The following PRKCE variants were observed in gnomAD, a reference collection of about 807,000 sequenced individuals.
PRKCE encodes protein kinase C epsilon, also known as protein kinase C epsilon type.
Under a neutral mutation model 85.4 loss-of-function variants are expected in PRKCE, and 16 were observed. That is an observed-to-expected ratio of 0.19 (90% CI 0.13 to 0.28). The LOEUF is 0.28. Ranked by LOEUF, PRKCE falls within the 10% of genes least tolerant of loss-of-function variation. The probability of loss-of-function intolerance (pLI) is 1.00; values close to 1 mark genes in which losing one functional copy is unlikely to be tolerated. For synonymous variants in PRKCE, 388 were observed against 371.5 expected (o/e 1.04, Z -0.51); for missense variants, 573 against 975.2 (o/e 0.59, Z 5.49).
chr2:45,678,651 A>G (rs967686641), intron 1 of PRKCE, among the ~76,000 whole-genome samples: 1 of 152,194 alleles, frequency 6.6e-6, no homozygotes, highest in Admixed American at 6.5e-5. Context: ...CAAGATAAAT[A>G]AATTATTTAC....
At position 45,696,154 on chromosome 2, in the gene PRKCE, C is replaced by T. The variant is rs1297791905; in HGVS notation, c.348+43706C>T. Reference sequence around the variant, plus strand: ...TTTTTTTTGTAGAACAGGGGTCTCTCTGTGTTGCACAGGCTGGTCTTGAAC... The same window carrying T: ...TTTTTTTTGTAGAACAGGGGTCTCTTTGTGTTGCACAGGCTGGTCTTGAAC... On this transcript the variant is annotated intron_variant, in intron 1 of 14. Transcript: ENST00000306156. 7.7e-5 allele frequency among the ~76,000 whole-genome samples: 11 copies of T among 142,516 alleles called. No individual in the cohort carries two copies. In the South Asian group the frequency reaches 2.1e-3, roughly 27 times the overall value. The allele number at this position is 142,516 out of a possible 152,430, so 93.5% of individuals were successfully genotyped here.
chr2:45,703,020 T>TTC lies in PRKCE; in HGVS notation c.348+50573_348+50574dup, dbSNP rs1370849874. 6.6e-5 allele frequency among the ~76,000 whole-genome samples: 8 copies of TTC among 121,022 alleles called. No individual in the cohort carries two copies. In the East Asian group the frequency reaches 1.2e-3, roughly 19 times the overall value. The allele number at this position is 121,022 out of a possible 152,430, so 79.4% of individuals were successfully genotyped here. ...TCAAGTTTTCTTGAGAAAGCCTTTT[T>TTC]TCCCCCCCCGTCAGGAAGTCAGTCC... On this transcript the variant is annotated intron_variant, in intron 1 of 14. Transcript: ENST00000306156.
Position 45,943,744 on chromosome 2 carries a change from C to G in PRKCE, c.413-32685C>G, listed in dbSNP as rs114553298. Among the ~76,000 whole-genome samples the G allele has an allele frequency of 3.3e-3, 503 of 152,338 alleles. 6 individuals carry two copies. Among genetic ancestry groups the G allele is most frequent in the African/African-American group, 0.011 (473 of 41,556 alleles). Reference sequence around the variant, plus strand: ...CGTCTTAGCAGAAACCAAGCCTCCTCTCCTGCTTTCTGGGTCCCCTTTGTC... The same window carrying G: ...CGTCTTAGCAGAAACCAAGCCTCCTGTCCTGCTTTCTGGGTCCCCTTTGTC... On this transcript the variant is annotated intron_variant, in intron 2 of 14. Coordinates refer to ENST00000306156, the MANE Select transcript of PRKCE (RefSeq NM_005400.3).
intron 2 of PRKCE, among the ~76,000 whole-genome samples, chr2:45,860,600 G>A (rs536227031): frequency 6.6e-6 from 1 of 152,304 alleles, no homozygotes; most frequent in African/African-American, 2.4e-5. Context: ...CTGGTAGTCT[G>A]GGGGAAATAT....
Position 45,823,982 on chromosome 2 carries a change from A to C in PRKCE, c.349-19018A>C, listed in dbSNP as rs143278629. Among the ~76,000 whole-genome samples, 493 of 152,342 alleles carry C rather than the reference A, an allele frequency of 3.2e-3. 2 individuals are homozygous for C. Among genetic ancestry groups the C allele is most frequent in the African/African-American group, 0.011 (460 of 41,590 alleles). On this transcript the variant is annotated intron_variant, in intron 1 of 14. Coordinates refer to ENST00000306156, the MANE Select transcript of PRKCE (RefSeq NM_005400.3). ...ACTCACAGGATGTGCTCACTGGCTC[A>C]CTGGCTTTCCTTGGCACTGCAGGGA...
chr2:45,797,329 T>C (rs768350841), intron 1 of PRKCE, among the ~76,000 whole-genome samples: 58 of 152,180 alleles, frequency 3.8e-4, no homozygotes, highest in Admixed American at 2.2e-3. Context: ...GCCACGCATG[T>C]CCTTGTCCTT....
At chr2:46,013,219 A>G (rs1455036241) in intron 10 of PRKCE, among the ~76,000 whole-genome samples, 3 of 152,230 alleles carry the variant, frequency 2.0e-5, no homozygotes, top group Non-Finnish European at 4.4e-5. Context: ...TTTCCCTATG[A>G]CAAACCAACA....
chr2:45,925,948 G>A (rs1284571482), intron 2 of PRKCE, among the ~76,000 whole-genome samples: 2 of 152,198 alleles, frequency 1.3e-5, no homozygotes, highest in Non-Finnish European at 2.9e-5. Flanking sequence ...CGATTCGGTG[G>A]GGGAGGCAAG....
intron 2 of PRKCE, among the ~76,000 whole-genome samples, chr2:45,946,883 A>G (rs1161677669): frequency 2.0e-5 from 3 of 152,220 alleles, no homozygotes; most frequent in Non-Finnish European, 4.4e-5. Context: ...GTGCATATGT[A>G]AAGTCTCCTT....
Position 46,151,021 on chromosome 2 carries a change from A to G in PRKCE, c.1732-20A>G. 1 of 1,585,382 alleles carries G rather than the reference A, an allele frequency of 6.3e-7. No individual in the cohort carries two copies. Among genetic ancestry groups the G allele is most frequent in the Non-Finnish European group, 8.6e-7 (1 of 1,169,266 alleles). The stretch of plus-strand genomic sequence containing the variant: ...GTGGGAGCCTTTGATGGTGCCTGAC[A>G]TTGCTGGTTTCCTGAACAGATCCTG... On this transcript the variant is annotated intron_variant, in intron 12 of 14. Transcript: ENST00000306156.
chr2:45,897,309 A>G (rs1435857602), intron 2 of PRKCE, among the ~76,000 whole-genome samples: 1 of 152,132 alleles, frequency 6.6e-6, no homozygotes, highest in Non-Finnish European at 1.5e-5. Flanking sequence ...GTGATGTAAT[A>G]TCTGTAGACC....
At chr2:45,817,702 A>T (rs2105312230) in intron 1 of PRKCE, among the ~76,000 whole-genome samples, 1 of 151,678 alleles carries the variant, frequency 6.6e-6, no homozygotes, top group Admixed American at 6.6e-5. Context: ...TCAAAAAACA[A>T]AAAAAAAACT....
chr2:45,713,244 C>G (rs986794089), intron 1 of PRKCE, among the ~76,000 whole-genome samples: 1 of 152,186 alleles, frequency 6.6e-6, no homozygotes, highest in Non-Finnish European at 1.5e-5. Context: ...TGTTTTTGCT[C>G]ATCTTGCCCT....
At chr2:46,174,621 C>A (rs1173913201) in intron 14 of PRKCE, among the ~76,000 whole-genome samples, 1 of 152,172 alleles carries the variant, frequency 6.6e-6, no homozygotes, top group Non-Finnish European at 1.5e-5. Context: ...CCCCATGCCA[C>A]ACACAACACA....
intron 10 of PRKCE, among the ~76,000 whole-genome samples, chr2:46,015,472 A>G (rs569015541): frequency 3.9e-5 from 6 of 152,296 alleles, no homozygotes; most frequent in African/African-American, 1.4e-4. Flanking sequence ...TGCAAAGGAA[A>G]CAAAGGGTGA....
At chr2:45,930,021 A>G (rs899016941) in intron 2 of PRKCE, among the ~76,000 whole-genome samples, 4 of 152,220 alleles carry the variant, frequency 2.6e-5, no homozygotes, top group African/African-American at 7.2e-5. Flanking sequence ...TGGACAAACC[A>G]AAGGTCGTAT....
chr2:45,982,619 C>G (rs1217086228), intron 5 of PRKCE, among the ~76,000 whole-genome samples: 1 of 152,156 alleles, frequency 6.6e-6, no homozygotes, highest in African/African-American at 2.4e-5. Flanking sequence ...GTGACTCTCA[C>G]TCACCCCATT....
intron 2 of PRKCE, among the ~76,000 whole-genome samples, chr2:45,928,881 C>G (rs990279217): frequency 2.0e-5 from 3 of 152,214 alleles, no homozygotes; most frequent in Non-Finnish European, 4.4e-5. Context: ...GCACCTGGAG[C>G]CTTTTGTACC....
intron 1 of PRKCE, among the ~76,000 whole-genome samples, chr2:45,745,294 T>C (rs1683049624): frequency 6.6e-6 from 1 of 152,084 alleles, no homozygotes; most frequent in African/African-American, 2.4e-5. Flanking sequence ...GATACCTTAG[T>C]CTCACTGCCC....
Sources: allele counts gnomAD v4.1 joint callset (sites outside exome capture counted in the v4.1 genomes callset), GRCh38; gene constraint gnomAD v4.1.1; transcripts MANE v1.5; gene names NCBI Gene and HGNC (gene_info 2026-07-23, HGNC 2026-07-21).